ZSCAN9: variants seen among roughly 807,000 people sequenced by gnomAD.
ZSCAN9 encodes the protein zinc finger and SCAN domain containing 9.
A neutral mutation model predicts 23.0 loss-of-function variants in ZSCAN9; 19 were observed. The observed-to-expected ratio is 0.83, with a 90% CI of 0.58 to 1.21. The LOEUF (loss-of-function observed/expected upper bound fraction) is 1.21. ZSCAN9 is among the 50% of genes most tolerant of loss of function. The pLI is 0.00. For missense variants in ZSCAN9, 467 were observed against 471.5 expected (o/e 0.99, Z 0.09); for synonymous variants, 155 against 164.8 (o/e 0.94, Z 0.46).
At chr6:28,230,029 T>C (rs2113653205) in intron 3 of ZSCAN9, among the ~76,000 whole-genome samples, 1 of 152,256 alleles carries the variant, frequency 6.6e-6, no homozygotes, top group South Asian at 2.1e-4. Flanking sequence ...GGCTAATGTT[T>C]TGTATTTTTA....
At chr6:28,232,079 C>T (rs1040928323) in intron 3 of ZSCAN9, among the ~76,000 whole-genome samples, 5 of 152,162 alleles carry the variant, frequency 3.3e-5, no homozygotes, top group Admixed American at 6.5e-5. Context: ...CACCTGTAAT[C>T]GCAGCATTTT....
At chr6:28,232,158 C>T (rs910567739) in intron 3 of ZSCAN9, among the ~76,000 whole-genome samples, 3 of 152,080 alleles carry the variant, frequency 2.0e-5, no homozygotes, top group Non-Finnish European at 2.9e-5. Context: ...ATGGCGAAAC[C>T]GCGTCTGTAC....
At chr6:28,231,532 G>A (rs952550845) in intron 3 of ZSCAN9, among the ~76,000 whole-genome samples, 1 of 152,162 alleles carries the variant, frequency 6.6e-6, no homozygotes, top group African/African-American at 2.4e-5. Flanking sequence ...GGATCATGAG[G>A]CCAGGAGTTT....
intron 3 of ZSCAN9, among the ~76,000 whole-genome samples, chr6:28,229,920 C>T (rs987108611): frequency 1.2e-4 from 18 of 151,096 alleles, no homozygotes; most frequent in African/African-American, 3.4e-4. Context: ...TGCAGTGGCA[C>T]GATCTCGGCT....
intron 3 of ZSCAN9, chr6:28,230,519 A>G (rs573838759): frequency 1.7e-4 from 266 of 1,528,800 alleles, no homozygotes; most frequent in Non-Finnish European, 2.3e-4. Context: ...GAGACAGGAC[A>G]GTTAGATATG....
At chr6:28,228,039 G>C (rs1561846207) in intron 3 of ZSCAN9, 1 of 724,740 alleles carries the variant, frequency 1.4e-6, no homozygotes. Context: ...CACCCTGGAA[G>C]CTTTCTGGAC....
At chr6:28,227,917 A>G (rs759495857) in intron 3 of ZSCAN9, 80 bp downstream of exon 3, 5 of 1,530,462 alleles carry the variant, frequency 3.3e-6, no homozygotes, top group South Asian at 1.2e-5. Context: ...GAGCTGGGAA[A>G]ACAGGAGACC....
intron 3 of ZSCAN9, chr6:28,230,353 A>T (rs1760262387): frequency 6.5e-7 from 1 of 1,532,418 alleles, no homozygotes. Flanking sequence ...ACGAAGTTTG[A>T]GGAGAAGGGC....
chr6:28,231,706 G>A (rs1269485178), intron 3 of ZSCAN9, among the ~76,000 whole-genome samples: 1 of 151,302 alleles, frequency 6.6e-6, no homozygotes, highest in Non-Finnish European at 1.5e-5. Context: ...GTGAGCCAAG[G>A]GGCAACAGAG....
In ZSCAN9 at chr6:28,232,805, G is replaced by T; in HGVS notation, c.812G>T (p.Arg271Leu). 1 of 1,614,180 alleles carries T rather than the reference G, an allele frequency of 6.2e-7. No individual in the cohort carries two copies. The highest frequency in any genetic ancestry group is 2.2e-5 in the East Asian group (1 of 44,890). ...KSFTQSSGLIRHQRIHTGERP... is the reference protein window; with the variant it reads ...KSFTQSSGLILHQRIHTGERP... Reference sequence around the variant, plus strand: ...TTTACTCAGAGCTCAGGTCTCATTCGACATCAAAGAATTCATACTGGAGAA... The same window carrying T: ...TTTACTCAGAGCTCAGGTCTCATTCTACATCAAAGAATTCATACTGGAGAA... Residue 271 changes from arginine to leucine, a missense_variant, in exon 4 of 4, where the codon CGA becomes CTA. Transcript: ENST00000252207.
At chr6:28,231,096 T>A (rs1391371426) in intron 3 of ZSCAN9, among the ~76,000 whole-genome samples, 5 of 152,196 alleles carry the variant, frequency 3.3e-5, no homozygotes, top group South Asian at 2.1e-4. Context: ...CTGTATATAC[T>A]ATTTTTTTCC....
Position 28,232,375 on chromosome 6 carries a change from G to A in ZSCAN9, c.569-187G>A, listed in dbSNP as rs184983705. 2.7e-3 allele frequency among the ~76,000 whole-genome samples: 409 copies of A among 152,254 alleles called. 7 individuals are homozygous for A. The highest frequency in any genetic ancestry group is 2.7e-3 in the Non-Finnish European group (182 of 68,034). ...AACGACTCAGGCCAAGTCTACATGG[G>A]GATGGACTGACCTGCATTATGCCAA... On this transcript the variant is annotated intron_variant, in intron 3 of 3. Transcript: ENST00000252207.
In ZSCAN9 at chr6:28,232,612, C is replaced by G; in HGVS notation, c.619C>G (p.Pro207Ala). ...AGAGTTGGTGCTAAGGAAAGACTGTCCTAAGATAGTGGAACCACATGGGAA... is the reference window on the plus strand; with the variant it reads ...AGAGTTGGTGCTAAGGAAAGACTGTGCTAAGATAGTGGAACCACATGGGAA... The part of the protein sequence containing the change: ...DRELVLRKDC[P>A]KIVEPHGKMF... Residue 207 changes from proline to alanine, a missense_variant, in exon 4 of 4, where the codon CCT (proline) becomes GCT (alanine). Coordinates refer to ENST00000252207, the MANE Select transcript of ZSCAN9 (RefSeq NM_006299.5). The G allele has an allele frequency of 6.2e-7, 1 of 1,614,142 alleles. No individual in the cohort carries two copies. The highest frequency in any genetic ancestry group is 8.5e-7 in the Non-Finnish European group (1 of 1,180,026).
In ZSCAN9 at chr6:28,232,813, A is replaced by G; in HGVS notation, c.820A>G (p.Arg274Gly). The G allele has an allele frequency of 6.2e-7, 1 of 1,614,244 alleles. No individual in the cohort carries two copies. The highest frequency in any genetic ancestry group is 8.5e-7 in the Non-Finnish European group (1 of 1,180,046). ...TQSSGLIRHQ[R>G]IHTGERPYEC... ...GAGCTCAGGTCTCATTCGACATCAA[A>G]GAATTCATACTGGAGAAAGACCTTA... is the stretch of plus-strand genomic sequence containing the variant. The change falls in exon 4 of 4, where the codon AGA becomes GGA. Residue 274 changes from arginine (R) to glycine (G), a missense_variant. Physicochemically the swap from Arg to Gly is moderately radical, Grantham distance 125 (BLOSUM62 -2). Transcript: ENST00000252207.
intron 3 of ZSCAN9, 155 bp downstream of exon 3, chr6:28,227,992 G>T (rs1760173685): frequency 4.3e-6 from 4 of 923,706 alleles, no homozygotes; most frequent in Non-Finnish European, 5.1e-6. Flanking sequence ...GCTCATCTTT[G>T]ACCCTTCTCC....
chr6:28,227,434 C>T lies in ZSCAN9; in HGVS notation c.350C>T (p.Pro117Leu), dbSNP rs62638672. Reference sequence around the variant, plus strand: ...CAGGGCTGGGTGAGGGAACACTGTCCAGAGAGTGGAGAAGAGGCTGTGATT... The same window carrying T: ...CAGGGCTGGGTGAGGGAACACTGTCTAGAGAGTGGAGAAGAGGCTGTGATT... ...ELQGWVREHCPESGEEAVILL... is the reference protein window; with the variant it reads ...ELQGWVREHCLESGEEAVILL... The change falls in exon 2 of 4, where the codon CCA becomes CTA. Residue 117 changes from proline (P) to leucine (L), a missense_variant. Physicochemically the swap from Pro to Leu is moderately conservative, Grantham distance 98. Transcript: ENST00000252207. 101 of 1,613,832 alleles carry T rather than the reference C, an allele frequency of 6.3e-5. No homozygotes were observed. In the Middle Eastern group the frequency reaches 8.2e-4, roughly 13 times the overall value.
intron 3 of ZSCAN9, chr6:28,230,361 G>A (rs1485603338): frequency 3.9e-6 from 6 of 1,535,798 alleles, no homozygotes; most frequent in African/African-American, 1.4e-5. Flanking sequence ...TGAGGAGAAG[G>A]GCAGTACTGA....
chr6:28,230,386 C>T, intron 3 of ZSCAN9: 1 of 1,536,026 alleles, frequency 6.5e-7, no homozygotes, highest in Non-Finnish European at 8.7e-7. Context: ...ACTTGGGGCC[C>T]ATCTGTTCTC....
chr6:28,232,957 A>T lies in ZSCAN9; in HGVS notation c.964A>T (p.Ser322Cys). ...CKECGKVFSQ[S>C]AGLIQHQRIH... ...GGAGTGTGGGAAGGTCTTCAGTCAG[A>T]GTGCGGGTCTTATCCAGCATCAGAG... The change falls in exon 4 of 4, where the codon AGT (serine) becomes TGT (cysteine). Residue 322 changes from serine to cysteine, a missense_variant. Coordinates refer to ENST00000252207, the MANE Select transcript of ZSCAN9 (RefSeq NM_006299.5). 1 of 1,614,220 alleles carries T rather than the reference A, an allele frequency of 6.2e-7. No homozygotes were observed. Among genetic ancestry groups the T allele is most frequent in the Non-Finnish European group, 8.5e-7 (1 of 1,180,036 alleles).
Sources: allele counts gnomAD v4.1 joint callset (sites outside exome capture counted in the v4.1 genomes callset), GRCh38; gene constraint gnomAD v4.1.1; transcripts MANE v1.5; gene names NCBI Gene and HGNC (gene_info 2026-07-23, HGNC 2026-07-21).